POLR1D: variants seen among roughly 807,000 people sequenced by gnomAD.
POLR1D encodes the protein RNA polymerase I and III subunit D, also known as DNA-directed RNA polymerases I and III subunit RPAC2.
A neutral mutation model predicts 10.8 loss-of-function variants in POLR1D; 8 were observed. The observed-to-expected ratio is 0.74, with a 90% confidence interval of 0.43 to 1.33. POLR1D has a LOEUF of 1.33. Among genes scored for constraint, POLR1D ranks in the 40% most tolerant of loss-of-function variants. The pLI is 0.01. For synonymous variants in POLR1D, 54 were observed against 57.2 expected (o/e 0.94, Z 0.25); for missense variants, 152 against 161.7 (o/e 0.94, Z 0.32).
intron 1 of POLR1D, among the ~76,000 whole-genome samples, chr13:27,634,790 C>T (rs1956106870): frequency 6.6e-6 from 1 of 151,722 alleles, no homozygotes; most frequent in Non-Finnish European, 1.5e-5. Flanking sequence ...GTCCTCCCAC[C>T]TCAGCCTCCC....
At position 27,663,234 on chromosome 13, in the gene POLR1D, G is replaced by A. The variant is rs543594954; in HGVS notation, c.102-2452G>A. ...TTGCCCTGCCCTATTTATTAGTAGA[G>A]TGTGAATGAGCACTTGTCATCACTT... On this transcript the variant is annotated intron_variant, in intron 2 of 2. Transcript: ENST00000399697. The surrounding 1 kb of genome is among the most constrained non-coding windows in gnomAD (Gnocchi z 4.1). Among the ~76,000 whole-genome samples the A allele has an allele frequency of 1.9e-4, 18 of 96,710 alleles. No individual in the cohort carries two copies. The highest frequency in any genetic ancestry group is 5.9e-4 in the African/African-American group (18 of 30,648). 63.4% of individuals were successfully genotyped at this position (96,710 alleles called of 152,430 possible). A position where few individuals can be genotyped will look rare whatever the true frequency, so the allele number is the denominator to read the frequency against.
At chr13:27,648,224 T>A in intron 1 of POLR1D, 1 of 575,164 alleles carries the variant, frequency 1.7e-6, no homozygotes, top group East Asian at 3.2e-5. Flanking sequence ...TTTTAATTTA[T>A]GTGTTCAAAA....
chr13:27,660,088 A>G (rs950913272), intron 2 of POLR1D, among the ~76,000 whole-genome samples: 1 of 152,190 alleles, frequency 6.6e-6, no homozygotes, highest in African/African-American at 2.4e-5. Flanking sequence ...AATAGGGATT[A>G]TAACACCATA....
intron 2 of POLR1D, among the ~76,000 whole-genome samples, chr13:27,651,804 TAAG>T (rs1956269440): frequency 6.6e-6 from 1 of 151,990 alleles, no homozygotes; most frequent in Admixed American, 6.6e-5. Flanking sequence ...TTGAAAAAAA[TAAG>T]AATGCCAGCA....
At chr13:27,664,282 C>T (rs910273301) in intron 2 of POLR1D, among the ~76,000 whole-genome samples, 3 of 152,162 alleles carry the variant, frequency 2.0e-5, no homozygotes, top group East Asian at 1.9e-4. Context: ...CTCTATAGTT[C>T]GTACTTGCAG....
Position 27,663,617 on chromosome 13 carries a change from A to AAGAT in POLR1D, c.102-2068_102-2065dup, listed in dbSNP as rs749923235. On this transcript the variant is annotated intron_variant, in intron 2 of 2. Transcript: ENST00000399697. The surrounding 1 kb of genome is among the most constrained non-coding windows in gnomAD (Gnocchi z 4.1). ...CACCTCGAGGAAGCATTTGGTTTTA[A>AAGAT]AGATGATCTGACATTGAAAACAGCA... Among the ~76,000 whole-genome samples, 1 of 152,236 alleles carries AAGAT rather than the reference A, an allele frequency of 6.6e-6. No homozygotes were observed. The highest frequency in any genetic ancestry group is 1.9e-4 in the East Asian group (1 of 5,192).
At chr13:27,629,498 G>A (rs1170217873) in intron 1 of POLR1D, among the ~76,000 whole-genome samples, 1 of 152,112 alleles carries the variant, frequency 6.6e-6, no homozygotes, top group Non-Finnish European at 1.5e-5. Flanking sequence ...AGCTGGGTTG[G>A]TTTATATTCC....
At chr13:27,665,172 T>G (rs1956403225) in intron 2 of POLR1D, 1 of 155,676 alleles carries the variant, frequency 6.4e-6, no homozygotes, top group African/African-American at 2.4e-5. Flanking sequence ...TAAAAGATTA[T>G]TGCATATTTA....
At chr13:27,652,207 G>A (rs1490823428) in intron 2 of POLR1D, among the ~76,000 whole-genome samples, 1 of 152,168 alleles carries the variant, frequency 6.6e-6, no homozygotes, top group African/African-American at 2.4e-5. Flanking sequence ...CGTTCAAGGG[G>A]ATTGGTTGTT....
chr13:27,659,555 T>C (rs1201258668), intron 2 of POLR1D, among the ~76,000 whole-genome samples: 1 of 152,190 alleles, frequency 6.6e-6, no homozygotes, highest in Non-Finnish European at 1.5e-5. Flanking sequence ...TGGCATCACT[T>C]CTCTCTGTGG....
At chr13:27,621,830 C>G (rs886050107), upstream of POLR1D, 206 of 750,280 alleles carry the variant, frequency 2.7e-4, 1 homozygote, top group Middle Eastern at 9.5e-4. Flanking sequence ...GCGGCTGGGC[C>G]CTGCCGCGCC....
At chr13:27,621,849 T>C, upstream of POLR1D, 5 of 898,230 alleles carry the variant, frequency 5.6e-6, no homozygotes, top group South Asian at 1.4e-5. Context: ...CCGCTGCGGC[T>C]CCTCCTCCCT....
At chr13:27,647,379 TTTA>T (rs1289692087) in intron 1 of POLR1D, among the ~76,000 whole-genome samples, 1 of 151,080 alleles carries the variant, frequency 6.6e-6, no homozygotes, top group Non-Finnish European at 1.5e-5. Flanking sequence ...TCCAAATTTT[TTTA>T]TTATTATTAT....
intron 2 of POLR1D, chr13:27,650,100 G>A: frequency 2.5e-6 from 1 of 398,358 alleles, no homozygotes; most frequent in East Asian, 3.6e-5. Flanking sequence ...AAAGATTAAA[G>A]CCACTGTTAT....
chr13:27,638,729 G>C (rs1407649005), intron 1 of POLR1D, among the ~76,000 whole-genome samples: 1 of 152,160 alleles, frequency 6.6e-6, no homozygotes, highest in African/African-American at 2.4e-5. Flanking sequence ...AGATCCAAGA[G>C]CTCTGAGGTA....
At position 27,622,856 on chromosome 13, in the gene POLR1D, A is replaced by G. The variant is rs749664600; in HGVS notation, c.27-19A>G. 6 of 1,538,184 alleles carry G rather than the reference A, an allele frequency of 3.9e-6. 1 individual carries two copies. Among genetic ancestry groups the G allele is most frequent in the African/African-American group, 1.4e-5 (1 of 73,240 alleles). On this transcript the variant is annotated intron_variant, in intron 1 of 1. Transcript: ENST00000302979. The stretch of plus-strand genomic sequence containing the variant: ...CAATATTCAGTATGATCTCATTTTT[A>G]TAAAAAATATGTGTGTAGAAAAATA...
chr13:27,625,126 AC>A (rs1294045154), downstream of POLR1D, among the ~76,000 whole-genome samples: 42 of 152,162 alleles, frequency 2.8e-4, no homozygotes, highest in Non-Finnish European at 5.9e-5. Context: ...AAGATATTGA[AC>A]AAAGATTTGC....
chr13:27,665,803 G>T (rs11029), exon 3 of POLR1D: 1 of 1,612,492 alleles, frequency 6.2e-7, no homozygotes, highest in Admixed American at 1.7e-5. Context: ...AGGAACCAGC[G>T]AAGAGCCAGG....
At chr13:27,660,933 G>C (rs1956357976) in intron 2 of POLR1D, 2 of 152,140 alleles carry the variant, frequency 1.3e-5, no homozygotes, top group African/African-American at 4.8e-5. Context: ...TGTCTTCAAC[G>C]TACCCTGTTG....
Sources: allele counts gnomAD v4.1 joint callset (sites outside exome capture counted in the v4.1 genomes callset), GRCh38; gene constraint gnomAD v4.1.1; non-coding constraint Gnocchi (gnomAD v3.1); transcripts MANE v1.5; gene names NCBI Gene and HGNC (gene_info 2026-07-23, HGNC 2026-07-21).